Variants in FES observed in about 807,000 individuals in gnomAD.
FES encodes the protein tyrosine-protein kinase Fes/Fps.
Under a neutral mutation model 109.6 loss-of-function variants are expected in FES, and 83 were observed. That is an observed-to-expected ratio of 0.76 (90% CI 0.63 to 0.91). The LOEUF (loss-of-function observed/expected upper bound fraction) is 0.91, where lower values mean the gene tolerates loss of function less well. Ranked by LOEUF, FES falls within the 40% of genes least tolerant of loss-of-function variation. FES has a pLI of 0.00. For missense variants in FES, 943 were observed against 1,070.9 expected (o/e 0.88, Z 1.67); for synonymous variants, 458 against 442.1 (o/e 1.04, Z -0.45).
chr15:90,886,652 T>G (rs2032659418), intron 3 of FES, among the ~76,000 whole-genome samples: 1 of 152,212 alleles, frequency 6.6e-6, no homozygotes, highest in Non-Finnish European at 1.5e-5. Flanking sequence ...CACAGGGCCC[T>G]TCTACATGTG....
In FES at chr15:90,889,840, G is replaced by A. The variant is rs377534637; in HGVS notation, c.927G>A (p.Thr309=). Reference sequence around the variant, plus strand: ...AATGCTGCCCTTCTCTTGGGTGCAGGCTGACCTCAGTGACAGATGAGCTGG... The same window carrying A: ...AATGCTGCCCTTCTCTTGGGTGCAGACTGACCTCAGTGACAGATGAGCTGG... ...NELTVESVQH[T]LTSVTDELAV... The change falls in exon 8 of 19, where the codon ACG becomes ACA. Residue 309 remains threonine, a splice_region_variant and synonymous_variant. Coordinates refer to ENST00000328850, the MANE Select transcript of FES (RefSeq NM_002005.4). The surrounding 1 kb of genome is among the most constrained non-coding windows in gnomAD (Gnocchi z 6.1). 14 of 1,613,542 alleles carry A rather than the reference G, an allele frequency of 8.7e-6. No homozygotes were observed. The highest frequency in any genetic ancestry group is 1.0e-5 in the Non-Finnish European group (12 of 1,179,932).
chr15:90,887,143 G>A (rs201073806), intron 4 of FES, 44 bp from the exon 5 acceptor site: 1 of 1,611,952 alleles, frequency 6.2e-7, no homozygotes, highest in Admixed American at 1.7e-5. Context: ...GGGCTGCCTG[G>A]GCCTCCATGC....
intron 1 of FES, 125 bp downstream of exon 1, chr15:90,884,669 A>T (rs1328576920): frequency 5.8e-6 from 1 of 171,762 alleles, no homozygotes; most frequent in African/African-American, 2.4e-5. Flanking sequence ...AAGGGCGGGG[A>T]TGGCCGCAGG....
At chr15:90,885,355 C>A (rs765301617) in intron 2 of FES, 57 bp from the exon 3 acceptor site, 1 of 1,596,876 alleles carries the variant, frequency 6.3e-7, no homozygotes, top group Non-Finnish European at 8.5e-7. Flanking sequence ...ATCTGGCAGG[C>A]CAATGCTTGG....
intron 3 of FES, 62 bp downstream of exon 3, chr15:90,885,647 G>A (rs1020477611): frequency 3.3e-5 from 51 of 1,562,040 alleles, no homozygotes; most frequent in Non-Finnish European, 4.0e-5. Context: ...CGAAGGGGTT[G>A]TTTTGCACAA....
intron 13 of FES, chr15:90,892,351 C>T (rs2033302402): frequency 1.7e-6 from 1 of 598,118 alleles, no homozygotes; most frequent in South Asian, 2.0e-5. Context: ...CAGGCCGCCC[C>T]CATCGAGCTC....
intron 12 of FES, 97 bp from the exon 13 acceptor site, chr15:90,891,961 C>A (rs2033260126): frequency 6.8e-7 from 1 of 1,464,554 alleles, no homozygotes; most frequent in Non-Finnish European, 9.5e-7. Context: ...CCCCTGGTCA[C>A]ATATGGAGGC....
At chr15:90,884,791 G>C (rs1028300817) in intron 1 of FES, 2 of 471,192 alleles carry the variant, frequency 4.2e-6, no homozygotes, top group African/African-American at 3.9e-5. Context: ...GGCCTGGGGA[G>C]GGAGGCTCCA....
At chr15:90,894,678 A>T (rs2033547401) in intron 18 of FES, among the ~76,000 whole-genome samples, 1 of 152,172 alleles carries the variant, frequency 6.6e-6, no homozygotes, top group Non-Finnish European at 1.5e-5. Context: ...AGGTGGGAGG[A>T]TCACTGGAGC....
At position 90,892,736 on chromosome 15, in the gene FES, C is replaced by T. The variant is rs774008604; in HGVS notation, c.1737C>T (p.Arg579=). 2 of 1,612,700 alleles carry T rather than the reference C, an allele frequency of 1.2e-6. No homozygotes were observed. Among genetic ancestry groups the T allele is most frequent in the South Asian group, 2.2e-5 (2 of 90,944 alleles). Reference sequence around the variant, plus strand: ...ACTTTGGCGAAGTGTTCAGCGGACGCCTGCGAGCCGACAACACCCTGGTGG... The same window carrying T: ...ACTTTGGCGAAGTGTTCAGCGGACGTCTGCGAGCCGACAACACCCTGGTGG... ...RGNFGEVFSG[R]LRADNTLVAV... The change falls in exon 14 of 19, where the codon CGC becomes CGT. Residue 579 remains arginine (R), a synonymous_variant. Transcript: ENST00000328850.
intron 1 of FES, 106 bp from the exon 2 acceptor site, chr15:90,884,931 C>G: frequency 1.1e-6 from 1 of 922,414 alleles, no homozygotes; most frequent in Non-Finnish European, 1.6e-6. Context: ...CCACCTCCTC[C>G]CCGTCTGCAG....
In FES at chr15:90,893,708, T is replaced by C. The variant is rs1336791060; in HGVS notation, c.2100T>C (p.Ser700=). ...LVTEKNVLKI[S]DFGMSREEAD... ...CAGAGAAGAATGTCCTGAAGATCAG[T>C]GACTTTGGGATGTCCCGAGAGGAAG... The change falls in exon 17 of 19, where the codon AGT becomes AGC. Residue 700 remains serine, a synonymous_variant. Coordinates refer to ENST00000328850, the MANE Select transcript of FES (RefSeq NM_002005.4). The C allele has an allele frequency of 6.2e-7, 1 of 1,611,450 alleles. No homozygotes were observed. Among genetic ancestry groups the C allele is most frequent in the Admixed American group, 1.7e-5 (1 of 59,758 alleles).
intron 9 of FES, 57 bp downstream of exon 9, chr15:90,890,335 G>T: frequency 6.3e-7 from 1 of 1,592,832 alleles, no homozygotes; most frequent in Non-Finnish European, 8.5e-7. Flanking sequence ...CTGGGGCTGC[G>T]CTCCTCATTT....
chr15:90,885,726 A>T, intron 3 of FES, 141 bp downstream of exon 3: 1 of 1,368,366 alleles, frequency 7.3e-7, no homozygotes, highest in Non-Finnish European at 9.7e-7. Flanking sequence ...ACCTTGATGC[A>T]GCTTCCTCTC....
Position 90,893,533 on chromosome 15 carries a change from C to T in FES, c.2045+119C>T, listed in dbSNP as rs908998731. ...TCAGCTCCAGAGGGGGAGTTGGCCT[C>T]TGTGGTAGACAGGGGTGCCCAGGGC... On this transcript the variant is annotated intron_variant, in intron 16 of 18. Coordinates refer to ENST00000328850, the MANE Select transcript of FES (RefSeq NM_002005.4). 2.0e-6 allele frequency: 3 copies of T among 1,491,530 alleles called. No individual in the cohort carries two copies. The African/African-American group carries it at 4.2e-5, about 21-fold the overall frequency. 92.4% of individuals were successfully genotyped at this position (1,491,530 alleles called of 1,614,324 possible).
At chr15:90,887,922 G>A (rs946844221) in intron 5 of FES, among the ~76,000 whole-genome samples, 1 of 152,182 alleles carries the variant, frequency 6.6e-6, no homozygotes, top group African/African-American at 2.4e-5. Flanking sequence ...GAGAGTACCA[G>A]GGACTAATAG....
intron 8 of FES, 46 bp from the exon 9 acceptor site, chr15:90,890,046 C>A: frequency 6.3e-7 from 1 of 1,577,990 alleles, no homozygotes; most frequent in Non-Finnish European, 8.6e-7. Flanking sequence ...CCGCCGCAGA[C>A]CGAGCCCTTA....
chr15:90,889,940 G>C lies in FES; in HGVS notation c.1027G>C (p.Glu343Gln), dbSNP rs757528404. 6.2e-7 allele frequency: 1 copy of C among 1,613,324 alleles called. No homozygotes were observed. The highest frequency in any genetic ancestry group is 8.5e-7 in the Non-Finnish European group (1 of 1,179,864). Residue 343 changes from glutamate to glutamine, a missense_variant, in exon 8 of 19, where the codon GAG (glutamate) becomes CAG (glutamine). Transcript: ENST00000328850. This position sits in a 1 kb window ranked among gnomAD's most constrained non-coding sequence, Gnocchi z 6.1. ...QLQQELRNEE[E>Q]NTHPRERVQL... The stretch of plus-strand genomic sequence containing the variant: ...GCAACAGGAGCTCCGGAATGAAGAG[G>C]AGAACACCCACCCCCGGGAGCGGTG...
At chr15:90,890,897 G>A (rs780260893) in intron 10 of FES, 85 bp from the exon 11 acceptor site, 29 of 1,321,224 alleles carry the variant, frequency 2.2e-5, no homozygotes, top group Non-Finnish European at 3.0e-5. Context: ...AGGGCATATA[G>A]GGGGGAGAGA....
Sources: allele counts gnomAD v4.1 joint callset (sites outside exome capture counted in the v4.1 genomes callset), GRCh38; gene constraint gnomAD v4.1.1; non-coding constraint Gnocchi (gnomAD v3.1); transcripts MANE v1.5; gene names NCBI Gene and HGNC (gene_info 2026-07-23, HGNC 2026-07-21).